Variants in PIP5KL1 observed in about 807,000 individuals in gnomAD.
PIP5KL1 encodes phosphatidylinositol-4-phosphate 5-kinase like 1.
PIP5KL1 carries 45 observed loss-of-function variants against 47.6 expected under a neutral mutation model. The ratio of observed to expected loss-of-function variants is 0.94; its 90% CI spans 0.74 to 1.21. The LOEUF is 1.21. Among genes scored for constraint, PIP5KL1 ranks in the 50% most tolerant of loss-of-function variants. The pLI is 0.00. For synonymous variants in PIP5KL1, 256 were observed against 234.6 expected, an observed-to-expected ratio of 1.09 and a Z score of -0.84; for missense variants, 577 against 547.6, an observed-to-expected ratio of 1.05 and a Z score of -0.54.
rs1355584483 is a variant in PIP5KL1 at position 127,927,512 on chromosome 9, C to G, written c.559+136G>C. The G allele has an allele frequency of 6.9e-7, 1 of 1,440,676 alleles. No individual in the cohort carries two copies. Among genetic ancestry groups the G allele is most frequent in the Non-Finnish European group, 9.1e-7 (1 of 1,098,832 alleles). 89.2% of individuals were successfully genotyped at this position (1,440,676 alleles called of 1,614,324 possible). ...TAAACACAGCCCCAGTGGTGCCCCG[C>G]CCCCACGTATGGCCCCACCCCCATG... On this transcript the variant is annotated intron_variant, in intron 5 of 9. Coordinates refer to ENST00000388747, the MANE Select transcript of PIP5KL1 (RefSeq NM_001135219.2). This position sits in a 1 kb window ranked among gnomAD's most constrained non-coding sequence, Gnocchi z 5.5.
At chr9:127,924,490 CAAA>C (rs544298136) in intron 9 of PIP5KL1, among the ~76,000 whole-genome samples, 15 of 106,776 alleles carry the variant, frequency 1.4e-4, no homozygotes, top group African/African-American at 3.5e-4. Flanking sequence ...GACTCCATCT[CAAA>C]AAAAAAAAAA....
rs770862697 is a variant in PIP5KL1 at position 127,927,169 on chromosome 9, C to A, written c.634G>T (p.Gly212Cys). ...IVMQSVFYPA[G>C]RISERYDIKG... ...GCCACTCACCTCTCGGAGATGCGGC[C>A]GGCGGGGTAGAAGACGCTCTGCATG... Residue 212 changes from glycine (G) to cysteine (C), a missense_variant, in exon 7 of 10, where the codon GGC becomes TGC. Coordinates refer to ENST00000388747, the MANE Select transcript of PIP5KL1 (RefSeq NM_001135219.2). This position sits in a 1 kb window ranked among gnomAD's most constrained non-coding sequence, Gnocchi z 5.5. 1 of 1,611,536 alleles carries A rather than the reference C, an allele frequency of 6.2e-7. No homozygotes were observed. The highest frequency in any genetic ancestry group is 2.2e-5 in the East Asian group (1 of 44,766).
intron 2 of PIP5KL1, 99 bp from the exon 3 acceptor site, chr9:127,928,582 TC>T: frequency 8.0e-7 from 1 of 1,247,502 alleles, no homozygotes; most frequent in Non-Finnish European, 1.1e-6. Context: ...CCCCACCTCC[TC>T]CAATTGGATT....
In PIP5KL1 at chr9:127,930,709, G is replaced by C. The variant is rs760677980; in HGVS notation, c.30+14C>G. 6.4e-7 allele frequency: 1 copy of C among 1,567,614 alleles called. No homozygotes were observed. The highest frequency in any genetic ancestry group is 1.2e-5 in the South Asian group (1 of 84,490). ...ACCCTTCCCTCTCCTGTCCTCTCTCGGGTCCGCACCTACCTCGCGGGGCCC... is the reference window on the plus strand; with the variant it reads ...ACCCTTCCCTCTCCTGTCCTCTCTCCGGTCCGCACCTACCTCGCGGGGCCC... On this transcript the variant is annotated intron_variant, in intron 1 of 9. Transcript: ENST00000388747.
intron 9 of PIP5KL1, among the ~76,000 whole-genome samples, chr9:127,924,431 T>C (rs977551300): frequency 1.3e-5 from 2 of 148,678 alleles, no homozygotes; most frequent in African/African-American, 5.0e-5. Flanking sequence ...GCGGAGGTTG[T>C]AGTGAGCCAA....
rs1831414069 is a variant in PIP5KL1 at position 127,929,864 on chromosome 9, C to T, written c.52G>A (p.Ala18Thr). Residue 18 changes from alanine (A) to threonine (T), a missense_variant, in exon 2 of 10, where the codon GCT (alanine) becomes ACT (threonine). Ala to Thr is a moderately conservative substitution (Grantham distance 58). Transcript: ENST00000388747. This position sits in a 1 kb window ranked among gnomAD's most constrained non-coding sequence, Gnocchi z 4.0. ...PREVLAPSPE[A>T]GCRAVTSSRR... ...CTGGAGGTGACTGCTCTGCATCCAG[C>T]CTCAGGGGAGGGGGCCAGGACCTGG... 2.6e-6 allele frequency: 4 copies of T among 1,538,346 alleles called. No homozygotes were observed. The highest frequency in any genetic ancestry group is 3.5e-6 in the Non-Finnish European group (4 of 1,142,604).
At chr9:127,928,613 G>A (rs1028865883) in intron 2 of PIP5KL1, 130 bp from the exon 3 acceptor site, 34 of 1,044,374 alleles carry the variant, frequency 3.3e-5, no homozygotes, top group Non-Finnish European at 4.2e-5. Flanking sequence ...AACCGGGACC[G>A]GAGTTTCTGA....
chr9:127,922,107 GCACAGACCTGGGGGCCGA>G lies in PIP5KL1; in HGVS notation c.918-11_924del. ...GACTCTTCCGGGCTCTGTGCCCCTT[GCACAGACCTGGGGGCCGA>G]CAGGAGGGTGAAGCTGCCAGCTCCT... On this transcript the variant is annotated splice_acceptor_variant and splice_polypyrimidine_tract_variant and coding_sequence_variant and intron_variant, in exon 10 of 10. Coordinates refer to ENST00000388747, the MANE Select transcript of PIP5KL1 (RefSeq NM_001135219.2). LOFTEE classifies it high-confidence loss of function. 1 of 1,521,682 alleles carries G rather than the reference GCACAGACCTGGGGGCCGA, an allele frequency of 6.6e-7. No homozygotes were observed. The highest frequency in any genetic ancestry group is 8.8e-7 in the Non-Finnish European group (1 of 1,133,300). The allele number at this position is 1,521,682 out of a possible 1,614,324, so 94.3% of individuals were successfully genotyped here.
At position 127,927,217 on chromosome 9, in the gene PIP5KL1, C is replaced by A. The variant is rs768167876; in HGVS notation, c.595-9G>T. The A allele has an allele frequency of 2.5e-6, 4 of 1,612,878 alleles. No individual in the cohort carries two copies. In the African/African-American group the frequency reaches 4.0e-5, roughly 16 times the overall value. On this transcript the variant is annotated splice_polypyrimidine_tract_variant and intron_variant, in intron 6 of 9. Coordinates refer to ENST00000388747, the MANE Select transcript of PIP5KL1 (RefSeq NM_001135219.2). The surrounding 1 kb of genome is among the most constrained non-coding windows in gnomAD (Gnocchi z 5.5). Reference sequence around the variant, plus strand: ...ATGACGATGAAGTACGTCTGGGGGCCGGGACAGGGAGTGAGGGAGGCCGGC... The same window carrying A: ...ATGACGATGAAGTACGTCTGGGGGCAGGGACAGGGAGTGAGGGAGGCCGGC...
rs78619492 is a variant in PIP5KL1 at position 127,928,759 on chromosome 9, G to A, written c.229-276C>T. The A allele has an allele frequency of 2.6e-4, 134 of 520,004 alleles. No individual in the cohort carries two copies. The East Asian group carries it at 4.4e-3, about 17-fold the overall frequency. The allele number at this position is 520,004 out of a possible 1,614,324, so 32.2% of individuals were successfully genotyped here. A position where few individuals can be genotyped will look rare whatever the true frequency, so the allele number is the denominator to read the frequency against. On this transcript the variant is annotated intron_variant, in intron 2 of 9. Transcript: ENST00000388747. ...CAGGCCATGAGTTCAAGCCAGGCACGTTCCCAGACTCACAGGCTGGCCAAG... is the reference window on the plus strand; with the variant it reads ...CAGGCCATGAGTTCAAGCCAGGCACATTCCCAGACTCACAGGCTGGCCAAG...
chr9:127,921,781 C>T lies in PIP5KL1; in HGVS notation c.*66G>A. ...GGAAGCGCAGGCGAGATGCCCGGGC[C>T]CGGGGGAACCGGCGTTCCTGGCGTG... On this transcript the variant is annotated 3_prime_UTR_variant, in exon 10 of 10. Coordinates refer to ENST00000388747, the MANE Select transcript of PIP5KL1 (RefSeq NM_001135219.2). 2 of 1,493,700 alleles carry T rather than the reference C, an allele frequency of 1.3e-6. No homozygotes were observed. The highest frequency in any genetic ancestry group is 1.8e-6 in the Non-Finnish European group (2 of 1,122,296). 92.5% of individuals were successfully genotyped at this position (1,493,700 alleles called of 1,614,324 possible).
In PIP5KL1 at chr9:127,928,487, C is replaced by T. The variant is rs1439475037; in HGVS notation, c.229-4G>A. On this transcript the variant is annotated splice_region_variant and splice_polypyrimidine_tract_variant and intron_variant, in intron 2 of 9. Transcript: ENST00000388747. ...AATCGTCCCGGGAGGGCGGCCCCTG[C>T]AGGGAGAGGTAGAGGAGCTCAGGGC... is the stretch of plus-strand genomic sequence containing the variant. The T allele has an allele frequency of 3.1e-6, 5 of 1,589,490 alleles. No individual in the cohort carries two copies. The highest frequency in any genetic ancestry group is 1.7e-4 in the Middle Eastern group (1 of 6,032).
chr9:127,927,834 C>T lies in PIP5KL1; in HGVS notation c.435-62G>A, dbSNP rs912997013. 7 of 1,518,888 alleles carry T rather than the reference C, an allele frequency of 4.6e-6. No individual in the cohort carries two copies. Among genetic ancestry groups the T allele is most frequent in the Admixed American group, 2.4e-5 (1 of 41,518 alleles). 94.1% of individuals were successfully genotyped at this position (1,518,888 alleles called of 1,614,324 possible). On this transcript the variant is annotated intron_variant, in intron 4 of 9. Coordinates refer to ENST00000388747, the MANE Select transcript of PIP5KL1 (RefSeq NM_001135219.2). The surrounding 1 kb of genome is among the most constrained non-coding windows in gnomAD (Gnocchi z 5.5). The stretch of plus-strand genomic sequence containing the variant: ...GGCTGGAGCGGCTCCCACCCGGCCC[C>T]CTTCCCCGACCTGTGCACGTGGATC...
rs752454776 is a variant in PIP5KL1 at position 127,926,122 on chromosome 9, CTCTT to C, written c.651-147_651-144del. 4.7e-3 allele frequency: 2,180 copies of C among 463,730 alleles called. 11 individuals carry two copies. The highest frequency in any genetic ancestry group is 6.4e-3 in the Admixed American group (160 of 24,880). 28.7% of individuals were successfully genotyped at this position (463,730 alleles called of 1,614,324 possible). On this transcript the variant is annotated intron_variant, in intron 7 of 9. Coordinates refer to ENST00000388747, the MANE Select transcript of PIP5KL1 (RefSeq NM_001135219.2). The stretch of plus-strand genomic sequence containing the variant: ...CAGCACAACCCTGGCCTGTCTTTTT[CTCTT>C]TCTTTCTTTCTTTCTCTCTTTTCTT...
intron 1 of PIP5KL1, 90 bp downstream of exon 1, chr9:127,930,632 TG>T: frequency 1.4e-6 from 2 of 1,404,460 alleles, no homozygotes. Context: ...CAGGCTTGGA[TG>T]GGGGCGTGTC....
Position 127,929,931 on chromosome 9 carries a change from G to C in PIP5KL1, c.31-46C>G. ...ACACAGCCTGTGGCAGCGTCACAGA[G>C]GAAAAAGATCAGGGTTCAAGTCCCA... is the stretch of plus-strand genomic sequence containing the variant. On this transcript the variant is annotated intron_variant, in intron 1 of 9. Transcript: ENST00000388747. The surrounding 1 kb of genome is among the most constrained non-coding windows in gnomAD (Gnocchi z 4.0). The C allele has an allele frequency of 7.0e-7, 1 of 1,430,806 alleles. No homozygotes were observed. The highest frequency in any genetic ancestry group is 9.3e-7 in the Non-Finnish European group (1 of 1,080,928). The allele number at this position is 1,430,806 out of a possible 1,614,324, so 88.6% of individuals were successfully genotyped here.
At position 127,929,878 on chromosome 9, in the gene PIP5KL1, G is replaced by A. The variant is rs1286974615; in HGVS notation, c.38C>T (p.Ala13Val). Residue 13 changes from alanine (A) to valine (V), a missense_variant, in exon 2 of 10, where the codon GCC becomes GTC. Physicochemically the swap from Ala to Val is moderately conservative, Grantham distance 64. Transcript: ENST00000388747. This position sits in a 1 kb window ranked among gnomAD's most constrained non-coding sequence, Gnocchi z 4.0. ...APSPGPREVLAPSPEAGCRAV... is the reference protein window; with the variant it reads ...APSPGPREVLVPSPEAGCRAV... The stretch of plus-strand genomic sequence containing the variant: ...TCTGCATCCAGCCTCAGGGGAGGGG[G>A]CCAGGACCTGGTGGGAGGAGGCACA... 5.2e-6 allele frequency: 8 copies of A among 1,530,472 alleles called. No homozygotes were observed. Among genetic ancestry groups the A allele is most frequent in the Admixed American group, 2.0e-5 (1 of 50,322 alleles). 94.8% of individuals were successfully genotyped at this position (1,530,472 alleles called of 1,614,324 possible).
chr9:127,927,492 A>G lies in PIP5KL1; in HGVS notation c.559+156T>C. 1 of 1,453,208 alleles carries G rather than the reference A, an allele frequency of 6.9e-7. No homozygotes were observed. Among genetic ancestry groups the G allele is most frequent in the South Asian group, 1.4e-5 (1 of 72,362 alleles). The allele number at this position is 1,453,208 out of a possible 1,614,324, so 90.0% of individuals were successfully genotyped here. On this transcript the variant is annotated intron_variant, in intron 5 of 9. Coordinates refer to ENST00000388747, the MANE Select transcript of PIP5KL1 (RefSeq NM_001135219.2). The surrounding 1 kb of genome is among the most constrained non-coding windows in gnomAD (Gnocchi z 5.5). ...TCCCGACCCGATCCCACCCCTAAACACAGCCCCAGTGGTGCCCCGCCCCCA... is the reference window on the plus strand; with the variant it reads ...TCCCGACCCGATCCCACCCCTAAACGCAGCCCCAGTGGTGCCCCGCCCCCA...
chr9:127,924,960 G>T, intron 9 of PIP5KL1, 147 bp downstream of exon 9: 1 of 1,061,132 alleles, frequency 9.4e-7, no homozygotes, highest in Non-Finnish European at 1.4e-6. Flanking sequence ...ACACACGCGC[G>T]CACACGCACA....
Sources: gnomAD v4.1 joint callset for allele counts (sites outside exome capture counted in the v4.1 genomes callset) on GRCh38, gnomAD v4.1.1 for gene constraint, Gnocchi (gnomAD v3.1) non-coding constraint, MANE v1.5 for transcripts, NCBI Gene and HGNC (gene_info 2026-07-23, HGNC 2026-07-21) for gene names.